Variants in DNAAF1 observed in about 807,000 individuals in gnomAD.
The protein encoded by DNAAF1 is dynein axonemal assembly factor 1, also known as dynein assembly factor 1, axonemal.
Under a neutral mutation model 71.1 loss-of-function variants are expected in DNAAF1, and 65 were observed. The observed-to-expected ratio is 0.91, with a 90% CI of 0.75 to 1.12. The LOEUF is 1.12. DNAAF1 is among the 50% of genes most tolerant of loss of function. The pLI is 0.00. For missense variants in DNAAF1, 1,178 were observed against 899.8 expected (o/e 1.31, Z -3.96); for synonymous variants, 414 against 354.6 (o/e 1.17, Z -1.88).
chr16:84,165,564 A>AT (rs1054019396), intron 6 of DNAAF1, among the ~76,000 whole-genome samples: 5 of 151,880 alleles, frequency 3.3e-5, no homozygotes, highest in South Asian at 4.2e-4. Context: ...CGATTTCTCT[A>AT]TTTTTTCTCT....
intron 6 of DNAAF1, among the ~76,000 whole-genome samples, chr16:84,164,699 C>T (rs1328825361): frequency 6.6e-6 from 1 of 152,158 alleles, no homozygotes. Context: ...CTAGTTTTTG[C>T]CAATTAGAAT....
At chr16:84,163,869 TTTTTG>T (rs2087836965) in intron 6 of DNAAF1, among the ~76,000 whole-genome samples, 1 of 149,982 alleles carries the variant, frequency 6.7e-6, no homozygotes, top group African/African-American at 2.5e-5. Flanking sequence ...CTTTTTTTTT[TTTTTG>T]TGGGGGACAG....
At position 84,176,409 on chromosome 16, in the gene DNAAF1, G is replaced by C. The variant is rs1304856066; in HGVS notation, c.2065+110G>C. The C allele has an allele frequency of 2.0e-6, 3 of 1,529,602 alleles. No homozygotes were observed. In the African/African-American group the frequency reaches 4.1e-5, roughly 21 times the overall value. The allele number at this position is 1,529,602 out of a possible 1,614,324, so 94.8% of individuals were successfully genotyped here. A position where few individuals can be genotyped will look rare whatever the true frequency, so the allele number is the denominator to read the frequency against. ...TACCCTGAGCTTTCATGTTGCTGGA[G>C]GGGTCACCCAGGACAGACCACACAG... On this transcript the variant is annotated intron_variant, in intron 11 of 11. Transcript: ENST00000378553.
intron 7 of DNAAF1, among the ~76,000 whole-genome samples, chr16:84,169,133 A>G (rs1270176498): frequency 2.1e-5 from 3 of 141,654 alleles, no homozygotes; most frequent in Admixed American, 1.5e-4. Flanking sequence ...CACCCAGACT[A>G]CAATGCGGTG....
intron 6 of DNAAF1, among the ~76,000 whole-genome samples, chr16:84,160,914 G>A (rs1220848553): frequency 6.7e-6 from 1 of 150,338 alleles, no homozygotes; most frequent in South Asian, 2.1e-4. Context: ...TCCAGCCTGG[G>A]CAACAGAGCG....
At chr16:84,161,102 A>C (rs545430400) in intron 6 of DNAAF1, among the ~76,000 whole-genome samples, 1 of 152,020 alleles carries the variant, frequency 6.6e-6, no homozygotes, top group Non-Finnish European at 1.5e-5. Context: ...GCTACGTTAC[A>C]CCCTTGGGGG....
intron 3 of DNAAF1, among the ~76,000 whole-genome samples, chr16:84,151,795 T>C (rs2087198456): frequency 6.6e-6 from 1 of 152,148 alleles, no homozygotes; most frequent in Non-Finnish European, 1.5e-5. Context: ...ACTTCCAGGC[T>C]CTAGGCCTCA....
intron 1 of DNAAF1, among the ~76,000 whole-genome samples, chr16:84,148,456 C>CAAAT (rs2087017212): frequency 6.6e-6 from 1 of 151,858 alleles, no homozygotes; most frequent in Non-Finnish European, 1.5e-5. Context: ...AACGCAGAAA[C>CAAAT]AAATCTCTTT....
At chr16:84,148,597 T>TCTCTCTCTCTCTC (rs1555519913) in intron 1 of DNAAF1, among the ~76,000 whole-genome samples, 2 of 53,194 alleles carry the variant, frequency 3.8e-5, no homozygotes, top group South Asian at 1.0e-3. Flanking sequence ...TCTCTCTCTC[T>TCTCTCTCTCTCTC]TTTTTTTTTT....
At chr16:84,157,857 T>C (rs1371805334) in intron 5 of DNAAF1, among the ~76,000 whole-genome samples, 1 of 152,162 alleles carries the variant, frequency 6.6e-6, no homozygotes, top group African/African-American at 2.4e-5. Flanking sequence ...CCCCGTTTGT[T>C]CGTTTTTGTT....
chr16:84,160,155 C>G (rs2087632346), intron 6 of DNAAF1, among the ~76,000 whole-genome samples: 1 of 152,152 alleles, frequency 6.6e-6, no homozygotes. Context: ...AATTTACAAC[C>G]TCACATAACA....
intron 5 of DNAAF1, among the ~76,000 whole-genome samples, chr16:84,156,004 A>G (rs1597424016): frequency 6.6e-6 from 1 of 151,674 alleles, no homozygotes; most frequent in Non-Finnish European, 1.5e-5. Context: ...GCTCTTCTTG[A>G]TCAGGCTAGA....
chr16:84,177,920 G>GC, downstream of DNAAF1: 1 of 1,193,592 alleles, frequency 8.4e-7, no homozygotes, highest in Non-Finnish European at 1.2e-6. Context: ...TAACACCCAC[G>GC]CGAGTCAGTG....
chr16:84,148,904 G>A (rs570508009), intron 1 of DNAAF1, 103 bp from the exon 2 acceptor site: 3 of 1,318,758 alleles, frequency 2.3e-6, no homozygotes, highest in Admixed American at 3.5e-5. Flanking sequence ...AAGAATACTG[G>A]TGTTCTATAC....
At chr16:84,146,699 C>T (rs1241561510) in intron 1 of DNAAF1, among the ~76,000 whole-genome samples, 3 of 151,702 alleles carry the variant, frequency 2.0e-5, no homozygotes, top group Admixed American at 2.0e-4. Flanking sequence ...GAGCCAAGAT[C>T]ACACCACTGC....
rs2087053349 is a variant in DNAAF1, at chr16:84,148,925, T to G, written c.125-82T>G. 3 of 1,502,412 alleles carry G rather than the reference T, an allele frequency of 2.0e-6. No homozygotes were observed. The South Asian group carries it at 3.4e-5, about 17-fold the overall frequency. The allele number at this position is 1,502,412 out of a possible 1,614,324, so 93.1% of individuals were successfully genotyped here. A position where few individuals can be genotyped will look rare whatever the true frequency, so the allele number is the denominator to read the frequency against. On this transcript the variant is annotated intron_variant, in intron 1 of 11. Coordinates refer to ENST00000378553, the MANE Select transcript of DNAAF1 (RefSeq NM_178452.6). ...ACTGGTGTTCTATACTAAAAGTGGA[T>G]GGTCATTAACCAAGCTGAAGTTGGG...
In DNAAF1 at chr16:84,149,075, A is replaced by C. The variant is rs2087060526; in HGVS notation, c.193A>C (p.Ser65Arg). 1 of 1,614,000 alleles carries C rather than the reference A, an allele frequency of 6.2e-7. No homozygotes were observed. The highest frequency in any genetic ancestry group is 8.5e-7 in the Non-Finnish European group (1 of 1,180,018). Reference protein sequence around the residue: ...DTSYHSQQKQSGDNGSGGHFA... With the variant: ...DTSYHSQQKQRGDNGSGGHFA... ...ATCCTACCACAGCCAGCAGAAACAG[A>C]GTGGTGATAATGGGTCAGGTGGTCA... Residue 65 changes from serine (S) to arginine (R), a missense_variant, in exon 2 of 12, where the codon AGT (serine) becomes CGT (arginine). By Grantham distance (110) the Ser-to-Arg change is moderately radical. Coordinates refer to ENST00000378553, the MANE Select transcript of DNAAF1 (RefSeq NM_178452.6).
At chr16:84,152,435 G>C (rs1180788497) in intron 3 of DNAAF1, among the ~76,000 whole-genome samples, 1 of 150,868 alleles carries the variant, frequency 6.6e-6, no homozygotes, top group African/African-American at 2.4e-5. Context: ...GGCAGATCAG[G>C]AGTTTGAGAC....
At position 84,149,103 on chromosome 16, in the gene DNAAF1, T is replaced by A. The variant is rs896662482; in HGVS notation, c.221T>A (p.Phe74Tyr). Residue 74 changes from phenylalanine (F) to tyrosine (Y), a missense_variant, in exon 2 of 12, where the codon TTC (phenylalanine) becomes TAC (tyrosine). Transcript: ENST00000378553. ...QSGDNGSGGHFAHPREDREDR... is the reference protein window; with the variant it reads ...QSGDNGSGGHYAHPREDREDR... The stretch of plus-strand genomic sequence containing the variant: ...GGTGATAATGGGTCAGGTGGTCACT[T>A]CGCACACCCAAGAGAAGACAGGGAA... The A allele has an allele frequency of 4.3e-6, 7 of 1,613,910 alleles. No individual in the cohort carries two copies. Among genetic ancestry groups the A allele is most frequent in the Non-Finnish European group, 5.9e-6 (7 of 1,180,024 alleles).
Sources: gnomAD v4.1 joint callset for allele counts (sites outside exome capture counted in the v4.1 genomes callset) on GRCh38, gnomAD v4.1.1 for gene constraint, MANE v1.5 for transcripts, NCBI Gene and HGNC (gene_info 2026-07-23, HGNC 2026-07-21) for gene names.